The following EPHX1 variants were observed in gnomAD, a reference collection of about 807,000 sequenced individuals.
EPHX1 encodes the protein epoxide hydratase.
A neutral mutation model predicts 43.2 loss-of-function variants in EPHX1; 40 were observed. The observed-to-expected ratio is 0.93, with a 90% CI of 0.72 to 1.21. The LOEUF (loss-of-function observed/expected upper bound fraction) is 1.21. Ranked by LOEUF, EPHX1 falls within the 50% of genes most tolerant of loss-of-function variation. EPHX1 has a pLI of 0.00. For missense variants in EPHX1, 550 were observed against 570.4 expected (o/e 0.96, Z 0.36); for synonymous variants, 221 against 226.7 (o/e 0.98, Z 0.22).
intron 1 of EPHX1, among the ~76,000 whole-genome samples, chr1:225,814,937 G>A (rs546184831): frequency 1.9e-4 from 29 of 152,228 alleles, no homozygotes; most frequent in Non-Finnish European, 4.1e-4. Flanking sequence ...ATCTTTCCAG[G>A]TATGGGTATA....
At chr1:225,840,183 G>A (rs904991362) in intron 6 of EPHX1, 146 bp downstream of exon 6, 7 of 767,920 alleles carry the variant, frequency 9.1e-6, no homozygotes, top group South Asian at 8.9e-5. Context: ...TCTTTAAACT[G>A]CATTTTCCCA....
intron 3 of EPHX1, among the ~76,000 whole-genome samples, chr1:225,837,500 A>C (rs1463604014): frequency 6.6e-6 from 1 of 152,172 alleles, no homozygotes; most frequent in East Asian, 1.9e-4. Context: ...TTGCACTTAA[A>C]AAAAAATCTT....
chr1:225,823,756 C>A (rs1667091802), intron 1 of EPHX1, among the ~76,000 whole-genome samples: 1 of 150,518 alleles, frequency 6.6e-6, no homozygotes, highest in African/African-American at 2.4e-5. Flanking sequence ...GCCTTGGGTT[C>A]CTGCGTGAGC....
chr1:225,842,302 C>A (rs916717984), intron 6 of EPHX1, 64 bp from the exon 7 acceptor site: 1 of 1,253,488 alleles, frequency 8.0e-7, no homozygotes, highest in Admixed American at 1.7e-5. Context: ...ACACATCACA[C>A]CTGAAGCTCC....
At position 225,844,373 on chromosome 1, in the gene EPHX1, T is replaced by C. The variant is rs532933320; in HGVS notation, c.1041-125T>C. The C allele has an allele frequency of 4.4e-4, 626 of 1,435,224 alleles. 10 individuals carry two copies. The South Asian group carries it at 6.8e-3, about 16-fold the overall frequency. 88.9% of individuals were successfully genotyped at this position (1,435,224 alleles called of 1,614,324 possible). A position where few individuals can be genotyped will look rare whatever the true frequency, so the allele number is the denominator to read the frequency against. On this transcript the variant is annotated intron_variant, in intron 7 of 8. Coordinates refer to ENST00000272167, the MANE Select transcript of EPHX1 (RefSeq NM_001136018.4). ...CTGTGACACGAGGATACCACACACG[T>C]TGCATGAGGTCTGAGGAGGGAAGCC...
At chr1:225,814,194 G>T (rs1666615293) in intron 1 of EPHX1, among the ~76,000 whole-genome samples, 1 of 152,134 alleles carries the variant, frequency 6.6e-6, no homozygotes, top group South Asian at 2.1e-4. Flanking sequence ...TTGAGCCCAG[G>T]AGTTCTGAGA....
Position 225,828,936 on chromosome 1 carries a change from G to A in EPHX1, c.183+24G>A, listed in dbSNP as rs368808204. 13 of 1,554,860 alleles carry A rather than the reference G, an allele frequency of 8.4e-6. No homozygotes were observed. The African/African-American group carries it at 1.8e-4, about 21-fold the overall frequency. On this transcript the variant is annotated intron_variant, in intron 2 of 8. Coordinates refer to ENST00000272167, the MANE Select transcript of EPHX1 (RefSeq NM_001136018.4). ...ACGTAAGGCACCTTGGGCCGGGCCG[G>A]GCTGGGCAGTGGAGAGGGTGGTGTG...
At chr1:225,826,490 T>A (rs1667248752) in intron 1 of EPHX1, among the ~76,000 whole-genome samples, 1 of 147,388 alleles carries the variant, frequency 6.8e-6, no homozygotes, top group Non-Finnish European at 1.5e-5. Flanking sequence ...TGGCCTGGCT[T>A]GGCTGGAGAT....
At chr1:225,839,482 A>G (rs2102759296) in intron 5 of EPHX1, 136 bp downstream of exon 5, 7 of 1,495,914 alleles carry the variant, frequency 4.7e-6, no homozygotes, top group Non-Finnish European at 6.3e-6. Context: ...GTCACTCAGC[A>G]GTGCCTGAGG....
chr1:225,841,267 C>G (rs1284720409), intron 6 of EPHX1: 1 of 152,162 alleles, frequency 6.6e-6, no homozygotes, highest in Non-Finnish European at 1.5e-5. Flanking sequence ...TTCATTTATG[C>G]CATTGTCCCA....
In EPHX1 at chr1:225,838,705, A is replaced by T. The variant is rs2234922; in HGVS notation, c.416A>T (p.His139Leu). 9.3e-6 allele frequency: 15 copies of T among 1,613,848 alleles called. No homozygotes were observed. In the South Asian group the frequency reaches 1.2e-4, roughly 13 times the overall value. Residue 139 changes from histidine to leucine, a missense_variant, in exon 4 of 9, where the codon CAT (histidine) becomes CTT (leucine). Coordinates refer to ENST00000272167, the MANE Select transcript of EPHX1 (RefSeq NM_001136018.4). ...HVKPPQLPAG[H>L]TPKPLLMVHG... ...AAGCCCCCCCAGCTGCCCGCAGGCCATACCCCGAAGCCCTTGCTGATGGTG... is the reference window on the plus strand; with the variant it reads ...AAGCCCCCCCAGCTGCCCGCAGGCCTTACCCCGAAGCCCTTGCTGATGGTG...
intron 3 of EPHX1, among the ~76,000 whole-genome samples, chr1:225,832,767 C>T (rs1481778094): frequency 6.6e-6 from 1 of 152,084 alleles, no homozygotes. Context: ...AATGGTATCA[C>T]ATTGTGGTTT....
In EPHX1 at chr1:225,826,766, T is replaced by C. The variant is rs147136798; in HGVS notation, c.-5-1959T>C. ...TTTCCTCTCTTGAAAGCTGTCTCCA[T>C]AATCACATGTGGGGTGATAAGGGCT... On this transcript the variant is annotated intron_variant, in intron 1 of 8. Coordinates refer to ENST00000272167, the MANE Select transcript of EPHX1 (RefSeq NM_001136018.4). Among the ~76,000 whole-genome samples the C allele has an allele frequency of 1.3e-4, 20 of 152,170 alleles. No individual in the cohort carries two copies. In the East Asian group the frequency reaches 3.7e-3, roughly 28 times the overall value.
rs1365804910 is a variant in EPHX1 at position 225,833,393 on chromosome 1, A to G, written c.364+1434A>G. 3.9e-5 allele frequency among the ~76,000 whole-genome samples: 6 copies of G among 152,184 alleles called. No individual in the cohort carries two copies. In the East Asian group the frequency reaches 9.6e-4, roughly 24 times the overall value. ...GTGGCATGCACCTGTAGTCCCAGCT[A>G]CTCAGGAGGCTGAGGCAGGAGGATT... On this transcript the variant is annotated intron_variant, in intron 3 of 8. Coordinates refer to ENST00000272167, the MANE Select transcript of EPHX1 (RefSeq NM_001136018.4).
intron 2 of EPHX1, among the ~76,000 whole-genome samples, chr1:225,831,553 A>AAAAAAG (rs762645929): frequency 8.8e-6 from 1 of 114,262 alleles, no homozygotes; most frequent in Non-Finnish European, 2.0e-5. Context: ...TCTCAAAAAA[A>AAAAAAG]AAAAAAGAAA....
rs987379310 is a variant in EPHX1, at chr1:225,833,523, C to T, written c.364+1564C>T. Among the ~76,000 whole-genome samples the T allele has an allele frequency of 4.6e-5, 7 of 151,974 alleles. No homozygotes were observed. In the South Asian group the frequency reaches 6.2e-4, roughly 14 times the overall value. Reference sequence around the variant, plus strand: ...TAAAAAAAGAGAGAGAGGCTGGGCACGGTGGCGCACGCCTGTAATCCCAGC... The same window carrying T: ...TAAAAAAAGAGAGAGAGGCTGGGCATGGTGGCGCACGCCTGTAATCCCAGC... On this transcript the variant is annotated intron_variant, in intron 3 of 8. Transcript: ENST00000272167.
At chr1:225,842,889 A>C (rs1668547613) in intron 7 of EPHX1, among the ~76,000 whole-genome samples, 1 of 152,128 alleles carries the variant, frequency 6.6e-6, no homozygotes, top group African/African-American at 2.4e-5. Flanking sequence ...GAGGCTGTTA[A>C]TCTCTCAGAG....
At chr1:225,826,804 A>G (rs1195291138) in intron 1 of EPHX1, among the ~76,000 whole-genome samples, 1 of 151,604 alleles carries the variant, frequency 6.6e-6, no homozygotes. Flanking sequence ...GGTCCAGGGG[A>G]GGGGGCGAGG....
Position 225,844,531 on chromosome 1 carries a change from C to T in EPHX1, c.1074C>T (p.Val358=), listed in dbSNP as rs1246759650. 6.2e-7 allele frequency: 1 copy of T among 1,614,180 alleles called. No homozygotes were observed. The highest frequency in any genetic ancestry group is 1.1e-5 in the South Asian group (1 of 91,084). ...KFSLDDLLTN[V]MLYWTTGTII... is the part of the protein sequence containing the mutation. ...CCCTGGACGACCTGCTGACCAACGT[C>T]ATGCTCTACTGGACAACAGGCACCA... Residue 358 remains valine, a synonymous_variant, in exon 8 of 9, where the codon GTC becomes GTT. Transcript: ENST00000272167.
Sources: gnomAD v4.1 joint callset for allele counts (sites outside exome capture counted in the v4.1 genomes callset) on GRCh38, gnomAD v4.1.1 for gene constraint, MANE v1.5 for transcripts, NCBI Gene and HGNC (gene_info 2026-07-23, HGNC 2026-07-21) for gene names.